The following RFX7 variants were observed in gnomAD, a reference collection of about 807,000 sequenced individuals.
The protein encoded by RFX7 is DNA-binding protein RFX7.
Under a neutral mutation model 111.8 loss-of-function variants are expected in RFX7, and 26 were observed. The observed-to-expected ratio is 0.23, with a 90% confidence interval of 0.17 to 0.32. The LOEUF is 0.32. RFX7 is among the 10% of genes least tolerant of loss of function. The pLI is 1.00. For missense variants in RFX7, 1,573 were observed against 1,772.9 expected (o/e 0.89, Z 2.02); for synonymous variants, 624 against 624.4 (o/e 1.00, Z 0.01).
chr15:56,137,934 A>T (rs1217187123), intron 5 of RFX7, among the ~76,000 whole-genome samples: 3 of 151,758 alleles, frequency 2.0e-5, no homozygotes, highest in Admixed American at 6.6e-5. Context: ...TTTGAGTGAG[A>T]TTCTTAACCC....
chr15:56,097,834 G>A (rs1231854743), intron 9 of RFX7, among the ~76,000 whole-genome samples: 2 of 148,376 alleles, frequency 1.3e-5, no homozygotes, highest in Non-Finnish European at 3.0e-5. Flanking sequence ...CTTACATAAA[G>A]CTCTGAGTGG....
chr15:56,234,450 G>A (rs56215018), intron 2 of RFX7, among the ~76,000 whole-genome samples: 19,820 of 152,074 alleles, frequency 0.13, 1,694 homozygotes, highest in East Asian at 0.44. Context: ...GCTTGCTAGT[G>A]GCTCCTGCTT....
rs1324669258 is a variant in RFX7 at position 56,094,382 on chromosome 15, T to C, written c.3346A>G (p.Thr1116Ala). 2 of 1,613,670 alleles carry C rather than the reference T, an allele frequency of 1.2e-6. No individual in the cohort carries two copies. The highest frequency in any genetic ancestry group is 1.3e-5 in the African/African-American group (1 of 74,846). Residue 1116 changes from threonine to alanine, a missense_variant, in exon 10 of 10, where the codon ACT becomes GCT. Transcript: ENST00000559447. ...SYQSQSRHHDTHFGRLTPVSP... is the reference protein window; with the variant it reads ...SYQSQSRHHDAHFGRLTPVSP... ...ACAGGAGTCAAACGACCAAAATGAGTGTCATGATGTCTGGATTGAGACTGA... is the reference window on the plus strand; with the variant it reads ...ACAGGAGTCAAACGACCAAAATGAGCGTCATGATGTCTGGATTGAGACTGA...
chr15:56,103,519 A>C, intron 6 of RFX7, 35 bp downstream of exon 6: 62 of 1,324,778 alleles, frequency 4.7e-5, no homozygotes, highest in Non-Finnish European at 5.7e-5. Flanking sequence ...GTGAGAACAC[A>C]GAGATATTAC....
At chr15:56,141,343 G>T (rs1212569795) in intron 5 of RFX7, among the ~76,000 whole-genome samples, 3 of 151,910 alleles carry the variant, frequency 2.0e-5, no homozygotes, top group Non-Finnish European at 4.4e-5. Flanking sequence ...TCCAGCCTAG[G>T]TGACAAGAGT....
rs1477148733 is a variant in RFX7 at position 56,152,924 on chromosome 15, A to G, written c.196-8441T>C. Among the ~76,000 whole-genome samples the G allele has an allele frequency of 2.6e-5, 4 of 152,300 alleles. No homozygotes were observed. In the East Asian group the frequency reaches 7.7e-4, roughly 29 times the overall value. ...ATAGAAACTACCATCAGAGAATACT[A>G]TAAAAACCTCTATGCAAATAAACTG... On this transcript the variant is annotated intron_variant, in intron 3 of 9. Transcript: ENST00000559447.
At chr15:56,236,399 T>C (rs2043624131) in intron 2 of RFX7, among the ~76,000 whole-genome samples, 1 of 152,178 alleles carries the variant, frequency 6.6e-6, no homozygotes, top group Non-Finnish European at 1.5e-5. Context: ...TTCCTCCTAT[T>C]GGCCCATGCT....
At chr15:56,175,347 T>C (rs2042892450) in intron 3 of RFX7, among the ~76,000 whole-genome samples, 1 of 152,204 alleles carries the variant, frequency 6.6e-6, no homozygotes, top group Admixed American at 6.5e-5. Flanking sequence ...ATCAATTGTG[T>C]CCAAATTGAT....
chr15:56,217,860 C>T (rs1010109615), intron 2 of RFX7, among the ~76,000 whole-genome samples: 1 of 152,144 alleles, frequency 6.6e-6, no homozygotes, highest in Non-Finnish European at 1.5e-5. Flanking sequence ...GCCAATCTGT[C>T]GTGTTTTACC....
intron 3 of RFX7, among the ~76,000 whole-genome samples, chr15:56,148,585 A>G: frequency 6.6e-6 from 1 of 152,198 alleles, no homozygotes; most frequent in Non-Finnish European, 1.5e-5. Context: ...TTGGTTGACA[A>G]AAAATACTGA....
chr15:56,226,096 A>G (rs1201026032), intron 2 of RFX7, among the ~76,000 whole-genome samples: 14 of 152,148 alleles, frequency 9.2e-5, no homozygotes, highest in African/African-American at 1.7e-4. Flanking sequence ...AGACAGGGAG[A>G]CAAAATAGGA....
At chr15:56,183,242 T>C (rs2141143266) in intron 2 of RFX7, among the ~76,000 whole-genome samples, 1 of 152,226 alleles carries the variant, frequency 6.6e-6, no homozygotes, top group Non-Finnish European at 1.5e-5. Context: ...TGGATACTAA[T>C]TCTATTATAC....
chr15:56,202,190 C>T (rs771439737), intron 2 of RFX7, among the ~76,000 whole-genome samples: 7 of 152,140 alleles, frequency 4.6e-5, no homozygotes, highest in Non-Finnish European at 8.8e-5. Context: ...TGCCTACAGT[C>T]TCACTATCCA....
intron 2 of RFX7, among the ~76,000 whole-genome samples, chr15:56,210,733 T>C (rs148781446): frequency 2.6e-4 from 39 of 152,188 alleles, no homozygotes; most frequent in African/African-American, 1.7e-4. Flanking sequence ...TTGAGAGAAA[T>C]TGTAAAATAC....
chr15:56,195,074 C>T (rs2043134754), intron 2 of RFX7, among the ~76,000 whole-genome samples: 3 of 152,024 alleles, frequency 2.0e-5, no homozygotes, highest in African/African-American at 7.3e-5. Flanking sequence ...TATTATTCAA[C>T]CATAAAAAGG....
At chr15:56,228,249 G>A (rs2043507845) in intron 2 of RFX7, among the ~76,000 whole-genome samples, 1 of 151,538 alleles carries the variant, frequency 6.6e-6, no homozygotes, top group Non-Finnish European at 1.5e-5. Context: ...CATTAATTCT[G>A]GGAAATCCTC....
At chr15:56,151,584 G>A (rs559813570) in intron 3 of RFX7, among the ~76,000 whole-genome samples, 1 of 152,176 alleles carries the variant, frequency 6.6e-6, no homozygotes, top group South Asian at 2.1e-4. Context: ...AGGAATAACT[G>A]GTACCAGCCA....
rs1282503172 is a variant in RFX7 at position 56,088,630 on chromosome 15, A to C, written c.*4715T>G. The C allele has an allele frequency of 2.6e-5, 4 of 152,196 alleles. No homozygotes were observed. The highest frequency in any genetic ancestry group is 5.9e-5 in the Non-Finnish European group (4 of 68,028). The allele number at this position is 152,196 out of a possible 1,614,324, so 9.4% of individuals were successfully genotyped here. A position where few individuals can be genotyped will look rare whatever the true frequency, so the allele number is the denominator to read the frequency against. ...ATATTAATAAGTGATCCCATCCATA[A>C]ATTTATAACTTTAATTATTTAAAAA... is the stretch of plus-strand genomic sequence containing the variant. On this transcript the variant is annotated 3_prime_UTR_variant, in exon 10 of 10. Coordinates refer to ENST00000559447, the MANE Select transcript of RFX7 (RefSeq NM_022841.7).
chr15:56,122,838 G>A lies in RFX7; in HGVS notation c.402-19168C>T, dbSNP rs374475599. Reference sequence around the variant, plus strand: ...CAGGCCCACAGGGAGTATTGCCAGGGTACTGCCAATGTTCACTTAAGGCCC... The same window carrying A: ...CAGGCCCACAGGGAGTATTGCCAGGATACTGCCAATGTTCACTTAAGGCCC... On this transcript the variant is annotated intron_variant, in intron 5 of 9. Coordinates refer to ENST00000559447, the MANE Select transcript of RFX7 (RefSeq NM_022841.7). Among the ~76,000 whole-genome samples, 2 of 152,206 alleles carry A rather than the reference G, an allele frequency of 1.3e-5. 1 individual carries two copies.
Sources: gnomAD v4.1 joint callset for allele counts (sites outside exome capture counted in the v4.1 genomes callset) on GRCh38, gnomAD v4.1.1 for gene constraint, MANE v1.5 for transcripts, NCBI Gene and HGNC (gene_info 2026-07-23, HGNC 2026-07-21) for gene names.